PDE10A: variants seen among roughly 807,000 people sequenced by gnomAD.
The protein encoded by PDE10A is cAMP and cAMP-inhibited cGMP 3',5'-cyclic phosphodiesterase 10A.
A neutral mutation model predicts 97.7 loss-of-function variants in PDE10A; 39 were observed. That is an observed-to-expected ratio of 0.40 (90% CI 0.31 to 0.52). The LOEUF is 0.52. Ranked by LOEUF, PDE10A falls within the 20% of genes least tolerant of loss-of-function variation. The probability of loss-of-function intolerance (pLI) is 0.56; values close to 1 mark genes in which losing one functional copy is unlikely to be tolerated. For synonymous variants in PDE10A, 371 were observed against 376.8 expected (o/e 0.98, Z 0.18); for missense variants, 731 against 1,047.8 (o/e 0.70, Z 4.17).
intron 1 of PDE10A, among the ~76,000 whole-genome samples, chr6:165,715,776 G>A (rs920635450): frequency 7.9e-5 from 12 of 152,158 alleles, no homozygotes; most frequent in African/African-American, 2.4e-4. Flanking sequence ...GTAGGGGGAC[G>A]TCCCTCTTCC....
chr6:165,928,666 G>A (rs758691666), intron 1 of PDE10A, among the ~76,000 whole-genome samples: 14 of 152,074 alleles, frequency 9.2e-5, no homozygotes, highest in Non-Finnish European at 1.5e-4. Context: ...AAACCTGGTG[G>A]TGCCAACATC....
chr6:165,436,949 A>T (rs993122142), intron 5 of PDE10A, among the ~76,000 whole-genome samples: 14 of 152,190 alleles, frequency 9.2e-5, no homozygotes, highest in East Asian at 7.7e-4. Context: ...AAAAAAATTT[A>T]AAATGTGGTA....
At chr6:165,618,500 C>T (rs1328805936) in intron 1 of PDE10A, among the ~76,000 whole-genome samples, 3 of 152,144 alleles carry the variant, frequency 2.0e-5, no homozygotes, top group Non-Finnish European at 4.4e-5. Flanking sequence ...AGACATGGCC[C>T]GCCCACCTTC....
intron 3 of PDE10A, among the ~76,000 whole-genome samples, chr6:165,467,719 T>C (rs982120547): frequency 1.3e-5 from 2 of 152,248 alleles, no homozygotes; most frequent in African/African-American, 2.4e-5. Flanking sequence ...GAAGATGCTA[T>C]GAACATTTGT....
intron 18 of PDE10A, among the ~76,000 whole-genome samples, chr6:165,352,074 G>A (rs781500963): frequency 2.0e-5 from 3 of 152,064 alleles, no homozygotes; most frequent in East Asian, 1.9e-4. Context: ...GGCTGGTCTC[G>A]AACTCCTGAC....
intron 1 of PDE10A, among the ~76,000 whole-genome samples, chr6:165,687,592 G>C (rs1039633842): frequency 1.3e-5 from 2 of 152,120 alleles, no homozygotes; most frequent in Non-Finnish European, 2.9e-5. Context: ...ACTGAAAAAC[G>C]ATTCTTTCTA....
intron 1 of PDE10A, among the ~76,000 whole-genome samples, 173 bp from the exon 2 acceptor site, chr6:165,543,741 G>C (rs569085670): frequency 1.3e-5 from 2 of 152,254 alleles, no homozygotes; most frequent in East Asian, 3.9e-4. Flanking sequence ...AGTTTCTACT[G>C]GGAGTGACAG....
rs1018231284 is a variant in PDE10A at position 165,418,906 on chromosome 6, GTAAA to G, written c.1654-133_1654-130del. On this transcript the variant is annotated intron_variant, in intron 10 of 21. Coordinates refer to ENST00000539869, the MANE Select transcript of PDE10A (RefSeq NM_001385079.1). The surrounding 1 kb of genome is among the most constrained non-coding windows in gnomAD (Gnocchi z 4.8). ...TAATTGGTTGGTATTAGCATTATAA[GTAAA>G]TAAATATACAAGTATATAAATATTT... The G allele has an allele frequency of 8.8e-5, 59 of 669,024 alleles. No individual in the cohort carries two copies. Among genetic ancestry groups the G allele is most frequent in the South Asian group, 4.8e-4 (26 of 54,414 alleles). The allele number at this position is 669,024 out of a possible 1,614,324, so 41.4% of individuals were successfully genotyped here.
chr6:165,744,064 T>A (rs531996814), intron 1 of PDE10A, among the ~76,000 whole-genome samples: 2 of 152,182 alleles, frequency 1.3e-5, no homozygotes, highest in Non-Finnish European at 2.9e-5. Flanking sequence ...GAGTTACAGG[T>A]CATCTATTTA....
chr6:165,667,053 C>A (rs1347142003), upstream of PDE10A, among the ~76,000 whole-genome samples: 1 of 152,036 alleles, frequency 6.6e-6, no homozygotes, highest in Admixed American at 6.6e-5. Context: ...TATAGTCAAA[C>A]CTAAAATAAA....
intron 17 of PDE10A, among the ~76,000 whole-genome samples, chr6:165,381,777 G>A (rs903154306): frequency 5.3e-5 from 8 of 151,618 alleles, no homozygotes; most frequent in African/African-American, 1.5e-4. Flanking sequence ...CACCGCGCCC[G>A]GCCACGTCTC....
intron 1 of PDE10A, among the ~76,000 whole-genome samples, chr6:165,913,538 G>A (rs1047650769): frequency 1.3e-5 from 2 of 151,994 alleles, no homozygotes; most frequent in East Asian, 1.9e-4. Flanking sequence ...TTTTATTGTT[G>A]TATTGTTGTT....
intron 2 of PDE10A, among the ~76,000 whole-genome samples, chr6:165,510,285 A>T (rs1781436556): frequency 1.3e-5 from 2 of 151,810 alleles, no homozygotes; most frequent in African/African-American, 2.4e-5. Flanking sequence ...ATTAAATGAG[A>T]TGATCATATG....
intron 1 of PDE10A, among the ~76,000 whole-genome samples, chr6:165,892,939 C>G (rs774699491): frequency 1.3e-5 from 2 of 152,142 alleles, no homozygotes; most frequent in Non-Finnish European, 2.9e-5. Context: ...GCCTTTCTGA[C>G]CCATGCAAGC....
intron 17 of PDE10A, among the ~76,000 whole-genome samples, chr6:165,381,291 A>G (rs1277217978): frequency 6.6e-6 from 1 of 152,126 alleles, no homozygotes; most frequent in African/African-American, 2.4e-5. Flanking sequence ...GCAAGTTAAG[A>G]TTTATTTTAA....
At chr6:165,702,900 G>A (rs770765016) in intron 1 of PDE10A, among the ~76,000 whole-genome samples, 2 of 152,162 alleles carry the variant, frequency 1.3e-5, no homozygotes, top group South Asian at 2.1e-4. Context: ...AGGACCTGCC[G>A]TGGGAAAGGC....
intron 10 of PDE10A, among the ~76,000 whole-genome samples, chr6:165,421,160 G>A (rs568438781): frequency 1.3e-5 from 2 of 152,340 alleles, no homozygotes; most frequent in East Asian, 1.9e-4. Context: ...CATATGATGA[G>A]CCTGGGTGTG....
intron 1 of PDE10A, among the ~76,000 whole-genome samples, chr6:165,765,642 GC>G (rs1583057436): frequency 6.6e-6 from 1 of 152,206 alleles, no homozygotes; most frequent in African/African-American, 2.4e-5. Context: ...GCCACATGCA[GC>G]CCCGGTTCCT....
chr6:165,506,714 T>C (rs533406092), intron 2 of PDE10A, among the ~76,000 whole-genome samples: 39 of 152,298 alleles, frequency 2.6e-4, no homozygotes, highest in African/African-American at 9.1e-4. Flanking sequence ...AGGTGCCTTA[T>C]CTGTCATTCA....
Sources: gnomAD v4.1 joint callset for allele counts (sites outside exome capture counted in the v4.1 genomes callset) on GRCh38, gnomAD v4.1.1 for gene constraint, Gnocchi (gnomAD v3.1) non-coding constraint, MANE v1.5 for transcripts, NCBI Gene and HGNC (gene_info 2026-07-23, HGNC 2026-07-21) for gene names.